Variants in SORCS1 observed in about 807,000 individuals in gnomAD.
The protein encoded by SORCS1 is sortilin related VPS10 domain containing receptor 1.
A neutral mutation model predicts 146.1 loss-of-function variants in SORCS1; 60 were observed. The observed-to-expected ratio is 0.41, with a 90% confidence interval of 0.33 to 0.51. The LOEUF (loss-of-function observed/expected upper bound fraction) is 0.51, where lower values mean the gene tolerates loss of function less well. Among genes scored for constraint, SORCS1 ranks in the 20% least tolerant of loss-of-function variants. The probability of loss-of-function intolerance (pLI) is 0.21; values close to 1 mark genes in which losing one functional copy is unlikely to be tolerated. For synonymous variants in SORCS1, 637 were observed against 584.0 expected (o/e 1.09, Z -1.31); for missense variants, 1,352 against 1,487.6 (o/e 0.91, Z 1.50).
At chr10:106,680,209 G>GA (rs1852333043) in intron 10 of SORCS1, among the ~76,000 whole-genome samples, 1 of 152,114 alleles carries the variant, frequency 6.6e-6, no homozygotes, top group Admixed American at 6.5e-5. Flanking sequence ...AGATGTTCAA[G>GA]ACGTTAAAGA....
chr10:107,037,528 T>C (rs1958954917), intron 1 of SORCS1, among the ~76,000 whole-genome samples: 1 of 152,276 alleles, frequency 6.6e-6, no homozygotes, highest in African/African-American at 2.4e-5. Context: ...GCACATTTTA[T>C]AAATGAGCTG....
At chr10:107,172,902 G>A in the SORCS1 span, among the ~76,000 whole-genome samples, 30 of 152,000 alleles carry the variant, frequency 2.0e-4, no homozygotes, top group African/African-American at 5.6e-4. Context: ...AACCCTGCCC[G>A]GTAACATTGA....
At chr10:106,723,943 T>G (rs1855961855) in intron 6 of SORCS1, among the ~76,000 whole-genome samples, 1 of 152,156 alleles carries the variant, frequency 6.6e-6, no homozygotes, top group Non-Finnish European at 1.5e-5. Flanking sequence ...ATAAAGTTAT[T>G]AAAAGATTAA....
intron 16 of SORCS1, 89 bp from the exon 17 acceptor site, chr10:106,667,891 T>A: frequency 2.7e-6 from 2 of 741,064 alleles, no homozygotes; most frequent in Non-Finnish European, 2.3e-6. Context: ...AGTTCCACAC[T>A]AATCAATTAG....
intron 19 of SORCS1, among the ~76,000 whole-genome samples, chr10:106,627,536 T>G (rs996476683): frequency 6.6e-6 from 1 of 152,202 alleles, no homozygotes; most frequent in South Asian, 2.1e-4. Context: ...GATTTTAGTA[T>G]GATCATTTCT....
chr10:106,809,824 C>T (rs1002337302), intron 3 of SORCS1, among the ~76,000 whole-genome samples: 4 of 152,174 alleles, frequency 2.6e-5, no homozygotes, highest in Admixed American at 2.6e-4. Context: ...TGTTATTTCA[C>T]TTTAAGGCAC....
chr10:106,992,722 CTT>C (rs752284329), intron 1 of SORCS1, among the ~76,000 whole-genome samples: 15 of 151,512 alleles, frequency 9.9e-5, no homozygotes, highest in Non-Finnish European at 1.6e-4. Context: ...GTCTGGAACT[CTT>C]GACCTCAAGC....
intron 10 of SORCS1, among the ~76,000 whole-genome samples, chr10:106,684,495 C>T (rs747372982): frequency 7.9e-5 from 12 of 152,120 alleles, no homozygotes; most frequent in East Asian, 3.9e-4. Context: ...AGGCATTGGA[C>T]GCAGGTGGAC....
chr10:107,065,670 T>C (rs780984682), intron 1 of SORCS1, among the ~76,000 whole-genome samples: 7 of 146,086 alleles, frequency 4.8e-5, no homozygotes, highest in East Asian at 2.0e-4. Flanking sequence ...TGTTTGTTTG[T>C]TTGCTTTGTT....
intron 2 of SORCS1, among the ~76,000 whole-genome samples, chr10:106,905,509 C>T (rs1311420357): frequency 1.3e-5 from 2 of 152,152 alleles, no homozygotes; most frequent in Admixed American, 1.3e-4. Flanking sequence ...TTCTTTCCTC[C>T]TCCCTACATT....
At chr10:106,764,548 T>C (rs1031425799) in intron 4 of SORCS1, among the ~76,000 whole-genome samples, 9 of 152,206 alleles carry the variant, frequency 5.9e-5, no homozygotes, top group African/African-American at 2.2e-4. Flanking sequence ...TTCTTTTGAC[T>C]GTCAGAACAC....
At chr10:106,617,450 T>C (rs1847449474) in intron 21 of SORCS1, among the ~76,000 whole-genome samples, 1 of 152,244 alleles carries the variant, frequency 6.6e-6, no homozygotes, top group African/African-American at 2.4e-5. Context: ...CATATCCATA[T>C]GACTATCTTT....
chr10:106,811,570 G>C (rs146137551), intron 3 of SORCS1, among the ~76,000 whole-genome samples: 1 of 152,252 alleles, frequency 6.6e-6, no homozygotes, highest in East Asian at 1.9e-4. Flanking sequence ...CATATATGCG[G>C]ACGTTTAAGA....
intron 1 of SORCS1, among the ~76,000 whole-genome samples, chr10:107,154,327 G>A (rs1969100731): frequency 6.6e-6 from 1 of 151,944 alleles, no homozygotes; most frequent in Non-Finnish European, 1.5e-5. Flanking sequence ...TAGGGACTTG[G>A]GATATATGAG....
the SORCS1 span, among the ~76,000 whole-genome samples, chr10:107,180,875 A>G: frequency 1.3e-5 from 2 of 152,224 alleles, no homozygotes; most frequent in South Asian, 2.1e-4. Context: ...CCTAGGCTCT[A>G]GGCTATGTGG....
chr10:106,607,241 G>T lies in SORCS1; in HGVS notation c.3090C>A (p.Thr1030=), dbSNP rs748226941. The T allele has an allele frequency of 1.2e-6, 2 of 1,614,112 alleles. No homozygotes were observed. The highest frequency in any genetic ancestry group is 3.3e-5 in the Admixed American group (2 of 60,018). ...ILVAVLPGLP[T]TAELFVLPYQ... is the part of the protein sequence containing the mutation. The stretch of plus-strand genomic sequence containing the variant: ...AGGGTAGGACAAAGAGTTCAGCAGT[G>T]GTGGGTAAGCCAGGGAGCACCGCCA... The change falls in exon 23 of 26, where the codon ACC becomes ACA. Residue 1030 remains threonine, a synonymous_variant. Coordinates refer to ENST00000263054, the MANE Select transcript of SORCS1 (RefSeq NM_052918.5).
At chr10:106,868,212 A>G (rs1439743397) in intron 2 of SORCS1, among the ~76,000 whole-genome samples, 1 of 152,212 alleles carries the variant, frequency 6.6e-6, no homozygotes, top group Non-Finnish European at 1.5e-5. Flanking sequence ...AAGTTCTTAG[A>G]GATCTACAAA....
intron 17 of SORCS1, among the ~76,000 whole-genome samples, chr10:106,664,968 T>G (rs144591148): frequency 6.6e-6 from 1 of 152,182 alleles, no homozygotes; most frequent in African/African-American, 2.4e-5. Context: ...CCTTTTCATT[T>G]TTTTCCTCCA....
intron 1 of SORCS1, among the ~76,000 whole-genome samples, chr10:107,081,849 A>C (rs1963357065): frequency 6.6e-6 from 1 of 152,262 alleles, no homozygotes; most frequent in East Asian, 1.9e-4. Flanking sequence ...AGAAGAATTC[A>C]CAAAGGAAAC....
Sources: gnomAD v4.1 joint callset for allele counts (sites outside exome capture counted in the v4.1 genomes callset) on GRCh38, gnomAD v4.1.1 for gene constraint, MANE v1.5 for transcripts, NCBI Gene and HGNC (gene_info 2026-07-23, HGNC 2026-07-21) for gene names.